Variants in WDFY3 observed in about 807,000 individuals in gnomAD.
The protein encoded by WDFY3 is WD repeat and FYVE domain-containing protein 3.
A neutral mutation model predicts 409.6 loss-of-function variants in WDFY3; 66 were observed. The observed-to-expected ratio is 0.16, with a 90% confidence interval of 0.13 to 0.20. WDFY3 has a LOEUF of 0.20. WDFY3 is among the 10% of genes least tolerant of loss of function. The probability of loss-of-function intolerance (pLI) is 1.00; values close to 1 mark genes in which losing one functional copy is unlikely to be tolerated. For synonymous variants in WDFY3, 1,521 were observed against 1,537.1 expected, an observed-to-expected ratio of 0.99 and a Z score of 0.25; for missense variants, 3,031 against 4,298.1, an observed-to-expected ratio of 0.71 and a Z score of 8.24.
chr4:84,966,283 G>A lies in WDFY3; in HGVS notation c.-300C>T, dbSNP rs1336877420. The A allele has an allele frequency of 6.7e-6, 1 of 149,682 alleles. No homozygotes were observed. The highest frequency in any genetic ancestry group is 1.5e-5 in the Non-Finnish European group (1 of 67,226). The allele number at this position is 149,682 out of a possible 1,614,324, so 9.3% of individuals were successfully genotyped here. A position where few individuals can be genotyped will look rare whatever the true frequency, so the allele number is the denominator to read the frequency against. ...GCGGCGGGCCGGGGCTCCGCGCCGAGGGCGCACGGGCTACGGGGAAGGGGC... is the reference window on the plus strand; with the variant it reads ...GCGGCGGGCCGGGGCTCCGCGCCGAAGGCGCACGGGCTACGGGGAAGGGGC... On this transcript the variant is annotated 5_prime_UTR_variant, in exon 1 of 68. Transcript: ENST00000295888.
chr4:84,677,961 CAAAAAAA>C (rs986393073), intron 66 of WDFY3, among the ~76,000 whole-genome samples, 200 bp downstream of exon 66: 41 of 21,180 alleles, frequency 1.9e-3, no homozygotes, highest in East Asian at 4.8e-3. Context: ...GACCCTGTCT[CAAAAAAA>C]AAAAAAAAAA....
chr4:84,686,212 C>T (rs189198849), intron 62 of WDFY3, among the ~76,000 whole-genome samples: 6 of 151,916 alleles, frequency 3.9e-5, no homozygotes, highest in Non-Finnish European at 7.4e-5. Context: ...AGGCTGAGGC[C>T]GGAGAATGGC....
intron 30 of WDFY3, 70 bp from the exon 31 acceptor site, chr4:84,766,442 T>C: frequency 7.0e-7 from 1 of 1,428,294 alleles, no homozygotes; most frequent in Non-Finnish European, 9.4e-7. Flanking sequence ...ACATAGTTCT[T>C]GGAAAGTTTA....
intron 2 of WDFY3, among the ~76,000 whole-genome samples, chr4:84,921,640 GCTTTC>G (rs1769288979): frequency 7.7e-6 from 1 of 130,398 alleles, no homozygotes; most frequent in African/African-American, 2.9e-5. Context: ...AGTCTCTATT[GCTTTC>G]ATTTTTTTTT....
chr4:84,956,943 C>T lies in WDFY3; in HGVS notation c.-226+9266G>A, dbSNP rs1774306486. ...AAATCATATATTATACACAAATATA[C>T]TAATACATGAATAGAAGCAGGTGAC... is the stretch of plus-strand genomic sequence containing the variant. On this transcript the variant is annotated intron_variant, in intron 1 of 67. Transcript: ENST00000295888. 2.7e-5 allele frequency among the ~76,000 whole-genome samples: 4 copies of T among 148,114 alleles called. No homozygotes were observed. In the South Asian group the frequency reaches 8.4e-4, roughly 31 times the overall value.
In WDFY3 at chr4:84,850,926, C is replaced by CTTTTTTTTTTTT. The variant is rs781440189; in HGVS notation, c.181-902_181-901insAAAAAAAAAAAA. Among the ~76,000 whole-genome samples the CTTTTTTTTTTTT allele has an allele frequency of 1.9e-3, 61 of 32,148 alleles. 5 individuals are homozygous for CTTTTTTTTTTTT. The highest frequency in any genetic ancestry group is 2.8e-3 in the African/African-American group (23 of 8,238). The allele number at this position is 32,148 out of a possible 152,430, so 21.1% of individuals were successfully genotyped here. Reference sequence around the variant, plus strand: ...AATTCTTATTTTTAATTTTATTTATCTGTTTTTTTTTTTTTTTTTTTTTTT... The same window carrying CTTTTTTTTTTTT: ...AATTCTTATTTTTAATTTTATTTATCTTTTTTTTTTTTTGTTTTTTTTTTTTTTTTTTTTTTT... On this transcript the variant is annotated intron_variant, in intron 4 of 67. Coordinates refer to ENST00000295888, the MANE Select transcript of WDFY3 (RefSeq NM_014991.6).
intron 3 of WDFY3, among the ~76,000 whole-genome samples, chr4:84,888,832 CTT>C (rs112660301): frequency 7.1e-6 from 1 of 140,578 alleles, no homozygotes; most frequent in Non-Finnish European, 1.6e-5. Context: ...AAAATTGGGG[CTT>C]TTTTTTTTTT....
At chr4:84,841,307 A>C (rs748075888) in intron 5 of WDFY3, 44 bp from the exon 6 acceptor site, 1 of 1,532,748 alleles carries the variant, frequency 6.5e-7, no homozygotes, top group South Asian at 1.2e-5. Context: ...GAAAAGTCAC[A>C]TATAAAGAGG....
chr4:84,699,123 G>T (rs1730650339), intron 56 of WDFY3, among the ~76,000 whole-genome samples: 1 of 151,516 alleles, frequency 6.6e-6, no homozygotes, highest in Non-Finnish European at 1.5e-5. Context: ...ATTTAGTTCA[G>T]ACACAATGTT....
intron 2 of WDFY3, among the ~76,000 whole-genome samples, chr4:84,931,265 T>G (rs537225341): frequency 6.6e-6 from 1 of 152,226 alleles, no homozygotes; most frequent in Admixed American, 6.5e-5. Context: ...CAGAGAACAG[T>G]CTTTAAAACA....
At chr4:84,953,737 C>A (rs1319426077) in intron 1 of WDFY3, among the ~76,000 whole-genome samples, 1 of 151,808 alleles carries the variant, frequency 6.6e-6, no homozygotes, top group African/African-American at 2.4e-5. Flanking sequence ...TATATTTGGG[C>A]TAATATTTTT....
At chr4:84,962,202 G>T (rs1322645562) in intron 1 of WDFY3, among the ~76,000 whole-genome samples, 1 of 152,188 alleles carries the variant, frequency 6.6e-6, no homozygotes, top group Non-Finnish European at 1.5e-5. Context: ...CTGTAAGCTG[G>T]TAGCTTAATT....
At chr4:84,812,072 T>C (rs942888214) in intron 13 of WDFY3, among the ~76,000 whole-genome samples, 5 of 152,220 alleles carry the variant, frequency 3.3e-5, no homozygotes, top group African/African-American at 1.2e-4. Flanking sequence ...TGTATTAATA[T>C]ATTAGTCACC....
At chr4:84,907,129 G>A (rs1046587452) in intron 2 of WDFY3, among the ~76,000 whole-genome samples, 5 of 151,946 alleles carry the variant, frequency 3.3e-5, no homozygotes, top group African/African-American at 1.2e-4. Context: ...AACCTATTTT[G>A]GTCAGGTCCA....
intron 2 of WDFY3, among the ~76,000 whole-genome samples, chr4:84,915,428 T>G (rs1034997293): frequency 6.6e-6 from 1 of 152,186 alleles, no homozygotes; most frequent in African/African-American, 2.4e-5. Flanking sequence ...CCACAAAATT[T>G]TCAGGCAAAC....
At chr4:84,941,916 G>A (rs1338791635) in intron 1 of WDFY3, among the ~76,000 whole-genome samples, 4 of 151,870 alleles carry the variant, frequency 2.6e-5, no homozygotes, top group Non-Finnish European at 5.9e-5. Context: ...ATTTAATAGG[G>A]AAGGAAAAAT....
At chr4:84,897,429 C>T (rs918076761) in intron 2 of WDFY3, among the ~76,000 whole-genome samples, 1 of 152,100 alleles carries the variant, frequency 6.6e-6, no homozygotes, top group Non-Finnish European at 1.5e-5. Flanking sequence ...GTCACCCAGG[C>T]TGGAGTGCAA....
chr4:84,681,066 A>T (rs1727268815), intron 64 of WDFY3, among the ~76,000 whole-genome samples: 1 of 152,220 alleles, frequency 6.6e-6, no homozygotes, highest in African/African-American at 2.4e-5. Flanking sequence ...GCAAACAAGC[A>T]GCTTTGGAAG....
At chr4:84,938,120 G>A (rs2151009941) in intron 1 of WDFY3, among the ~76,000 whole-genome samples, 1 of 152,156 alleles carries the variant, frequency 6.6e-6, no homozygotes, top group South Asian at 2.1e-4. Context: ...TAAAATCTAT[G>A]AGGGCAATGG....
Sources: allele counts gnomAD v4.1 joint callset (sites outside exome capture counted in the v4.1 genomes callset), GRCh38; gene constraint gnomAD v4.1.1; transcripts MANE v1.5; gene names NCBI Gene and HGNC (gene_info 2026-07-23, HGNC 2026-07-21).